The following DOCK2 variants were observed in gnomAD, a reference collection of about 807,000 sequenced individuals.
The protein encoded by DOCK2 is dedicator of cytokinesis 2.
In DOCK2, 87 loss-of-function variants were observed where a neutral mutation model predicts 248.9. The ratio of observed to expected loss-of-function variants is 0.35; its 90% CI spans 0.29 to 0.42. The LOEUF (loss-of-function observed/expected upper bound fraction) is 0.42, where lower values mean the gene tolerates loss of function less well. DOCK2 is among the 10% of genes least tolerant of loss of function. The pLI is 1.00. For missense variants in DOCK2, 1,747 were observed against 2,300.2 expected, an observed-to-expected ratio of 0.76 and a Z score of 4.92; for synonymous variants, 805 against 821.6, an observed-to-expected ratio of 0.98 and a Z score of 0.35.
At chr5:169,737,893 T>A (rs1362748803) in intron 22 of DOCK2, among the ~76,000 whole-genome samples, 1 of 152,186 alleles carries the variant, frequency 6.6e-6, no homozygotes, top group East Asian at 1.9e-4. Context: ...AGCAAGTTAA[T>A]CAAACCCGAG....
At chr5:169,997,302 C>T (rs956816220) in intron 30 of DOCK2, among the ~76,000 whole-genome samples, 5 of 134,440 alleles carry the variant, frequency 3.7e-5, no homozygotes, top group Non-Finnish European at 6.3e-5. Flanking sequence ...AGCATACAAT[C>T]GGGTTTTATA....
chr5:169,685,950 T>A lies in DOCK2; in HGVS notation c.761+1600T>A, dbSNP rs183236531. The stretch of plus-strand genomic sequence containing the variant: ...CCAAGGAATGAGTTGTGTCAAATAT[T>A]CTAAATGGTTTTCACCAGGGTTTCA... On this transcript the variant is annotated intron_variant, in intron 8 of 51. Coordinates refer to ENST00000520908, the MANE Select transcript of DOCK2 (RefSeq NM_004946.3). Among the ~76,000 whole-genome samples the A allele has an allele frequency of 2.7e-3, 405 of 152,322 alleles. 2 individuals carry two copies. The highest frequency in any genetic ancestry group is 8.6e-3 in the African/African-American group (356 of 41,554).
chr5:170,070,199 G>T (rs549610750), intron 46 of DOCK2, among the ~76,000 whole-genome samples: 6 of 152,398 alleles, frequency 3.9e-5, no homozygotes, highest in African/African-American at 1.4e-4. Context: ...AGCAGTGGAT[G>T]CAGGGGCAGG....
chr5:169,748,168 C>CTTTT (rs10688965), intron 23 of DOCK2, among the ~76,000 whole-genome samples: 192 of 148,242 alleles, frequency 1.3e-3, no homozygotes, highest in African/African-American at 4.2e-3. Flanking sequence ...ATTGCTGCTG[C>CTTTT]TTTTTTTTTT....
intron 24 of DOCK2, among the ~76,000 whole-genome samples, chr5:169,759,980 A>G (rs578170408): frequency 7.9e-5 from 12 of 152,190 alleles, no homozygotes. Context: ...CCAACTGTAT[A>G]ATAAGCATCC....
rs915871042 is a variant in DOCK2 at position 169,760,432 on chromosome 5, T to C, written c.2447+657T>C. ...CCTAATGTTAACATTTAAATAACTA[T>C]GGCACATTTATAAAAACTGAGAAAT... On this transcript the variant is annotated intron_variant, in intron 24 of 51. Transcript: ENST00000520908. Among the ~76,000 whole-genome samples, 10 of 152,326 alleles carry C rather than the reference T, an allele frequency of 6.6e-5. No individual in the cohort carries two copies. The South Asian group carries it at 2.1e-3, about 32-fold the overall frequency.
intron 27 of DOCK2, among the ~76,000 whole-genome samples, chr5:169,896,691 C>T (rs1217506462): frequency 6.6e-6 from 1 of 152,128 alleles, no homozygotes; most frequent in Non-Finnish European, 1.5e-5. Context: ...TGAGAACCAG[C>T]AAAGATTTCT....
At chr5:170,057,129 C>G (rs970993363) in intron 43 of DOCK2, 6 of 347,162 alleles carry the variant, frequency 1.7e-5, no homozygotes, top group Non-Finnish European at 2.7e-5. Flanking sequence ...ATCACTGTCC[C>G]CTGAGTGCTA....
In DOCK2 at chr5:170,034,424, C is replaced by G; in HGVS notation, c.3493C>G (p.Pro1165Ala). The change falls in exon 35 of 52, where the codon CCA becomes GCA. Residue 1165 changes from proline (P) to alanine (A), a missense_variant. Coordinates refer to ENST00000520908, the MANE Select transcript of DOCK2 (RefSeq NM_004946.3). ...SILMECAAEHPTIAKSVENFV... is the reference protein window; with the variant it reads ...SILMECAAEHATIAKSVENFV... ...CCTGATGGAATGTGCTGCAGAGCAC[C>G]CAACCATTGCCAAGTCGGTGGAGAA... is the stretch of plus-strand genomic sequence containing the variant. The G allele has an allele frequency of 6.2e-7, 1 of 1,614,112 alleles. No individual in the cohort carries two copies. Among genetic ancestry groups the G allele is most frequent in the South Asian group, 1.1e-5 (1 of 91,088 alleles).
intron 46 of DOCK2, among the ~76,000 whole-genome samples, chr5:170,071,913 G>A (rs1409174443): frequency 6.6e-6 from 1 of 152,118 alleles, no homozygotes; most frequent in Non-Finnish European, 1.5e-5. Flanking sequence ...GTTTGTGAAA[G>A]TCATTCATTT....
At position 170,055,314 on chromosome 5, in the gene DOCK2, G is replaced by C; in HGVS notation, c.4223G>C (p.Cys1408Ser). ...VKNAPGQYIQCFTVQPVLDEH... is the reference protein window; with the variant it reads ...VKNAPGQYIQSFTVQPVLDEH... ...ACTACAGGGATTCCAGATATCCAGT[G>C]CTTCACTGTCCAGCCTGTCTTGGAT... is the stretch of plus-strand genomic sequence containing the variant. Residue 1408 changes from cysteine (C) to serine (S), a missense_variant, in exon 42 of 52, where the codon TGC (cysteine) becomes TCC (serine). By Grantham distance (112) the Cys-to-Ser change is moderately radical. Around this residue, in one of 4 missense-constraint regions of DOCK2, gnomAD observed 513 missense variants for 586.1 expected, o/e 0.88. Coordinates refer to ENST00000520908, the MANE Select transcript of DOCK2 (RefSeq NM_004946.3). 1 of 1,614,044 alleles carries C rather than the reference G, an allele frequency of 6.2e-7. No individual in the cohort carries two copies. The highest frequency in any genetic ancestry group is 8.5e-7 in the Non-Finnish European group (1 of 1,179,882).
intron 25 of DOCK2, among the ~76,000 whole-genome samples, chr5:169,765,737 GAC>G (rs1462783429): frequency 1.2e-4 from 19 of 152,312 alleles, no homozygotes; most frequent in African/African-American, 4.6e-4. Flanking sequence ...GAGAGAGAGA[GAC>G]AGACACCTGA....
At chr5:170,009,555 A>T (rs1215407975) in intron 32 of DOCK2, among the ~76,000 whole-genome samples, 1 of 152,072 alleles carries the variant, frequency 6.6e-6, no homozygotes, top group Non-Finnish European at 1.5e-5. Flanking sequence ...ACAGTAATGA[A>T]TTTTTTATTT....
chr5:169,812,345 CT>C (rs1274527240), intron 26 of DOCK2, among the ~76,000 whole-genome samples: 3 of 152,220 alleles, frequency 2.0e-5, no homozygotes, highest in Non-Finnish European at 4.4e-5. Flanking sequence ...TCCTATCCCC[CT>C]GAGACGGGAC....
intron 6 of DOCK2, 39 bp downstream of exon 6, chr5:169,674,484 C>G: frequency 1.2e-6 from 2 of 1,608,180 alleles, no homozygotes; most frequent in Non-Finnish European, 8.5e-7. Flanking sequence ...TTTCTTCCCC[C>G]AGCCATCCTC....
In DOCK2 at chr5:169,731,856, C is replaced by T. The variant is rs535903051; in HGVS notation, c.2267+13065C>T. ...ATATTTGGGGCCTGGTGTGGTGGCT[C>T]ATGCCTGTAATCTTGCACTTTGGGA... is the stretch of plus-strand genomic sequence containing the variant. On this transcript the variant is annotated intron_variant, in intron 22 of 51. Transcript: ENST00000520908. 3.3e-5 allele frequency among the ~76,000 whole-genome samples: 5 copies of T among 152,190 alleles called. No homozygotes were observed. The East Asian group carries it at 7.7e-4, about 24-fold the overall frequency.
At chr5:169,655,713 CACAA>C (rs1054677691) in intron 2 of DOCK2, among the ~76,000 whole-genome samples, 2 of 152,152 alleles carry the variant, frequency 1.3e-5, no homozygotes, top group Admixed American at 6.5e-5. Flanking sequence ...CAAAGACACA[CACAA>C]ACATACATAT....
intron 30 of DOCK2, among the ~76,000 whole-genome samples, chr5:170,008,195 A>AAACAACAACAACAACAAC (rs570456552): frequency 1.5e-5 from 2 of 134,526 alleles, no homozygotes; most frequent in Admixed American, 7.2e-5. Flanking sequence ...ACAAGGACAA[A>AAACAACAACAACAACAAC]AACAACAACA....
At chr5:169,800,756 G>T (rs921833591) in intron 25 of DOCK2, among the ~76,000 whole-genome samples, 1 of 151,982 alleles carries the variant, frequency 6.6e-6, no homozygotes, top group Non-Finnish European at 1.5e-5. Context: ...AGAAGAAAGG[G>T]AATAATCCAT....
Sources: gnomAD v4.1 joint callset for allele counts (sites outside exome capture counted in the v4.1 genomes callset) on GRCh38, gnomAD v4.1.1 for gene constraint, gnomAD v4.1.1 regional missense constraint, MANE v1.5 for transcripts, NCBI Gene and HGNC (gene_info 2026-07-23, HGNC 2026-07-21) for gene names.